The following LRP5 variants were observed in gnomAD, a reference collection of about 807,000 sequenced individuals.
The protein encoded by LRP5 is LDL receptor related protein 5.
In LRP5, 62 loss-of-function variants were observed where a neutral mutation model predicts 154.1. The ratio of observed to expected loss-of-function variants is 0.40; its 90% CI spans 0.33 to 0.50. The LOEUF (loss-of-function observed/expected upper bound fraction) is 0.50, where lower values mean the gene tolerates loss of function less well. Among genes scored for constraint, LRP5 ranks in the 20% least tolerant of loss-of-function variants. The pLI is 0.55. For missense variants in LRP5, 1,915 were observed against 2,336.7 expected, an observed-to-expected ratio of 0.82 and a Z score of 3.72; for synonymous variants, 966 against 1,011.5, an observed-to-expected ratio of 0.96 and a Z score of 0.85.
At chr11:68,302,277 C>T in the LRP5 span, among the ~76,000 whole-genome samples, 1 of 141,580 alleles carries the variant, frequency 7.1e-6, no homozygotes, top group Non-Finnish European at 1.5e-5. Context: ...ACCCAGAAGG[C>T]AGAGGTTGCA....
intron 12 of LRP5, 75 bp from the exon 13 acceptor site, chr11:68,416,253 G>A (rs1252432546): frequency 8.5e-6 from 11 of 1,291,794 alleles, no homozygotes; most frequent in Non-Finnish European, 1.2e-5. Flanking sequence ...GTTGTCGAGT[G>A]GCGTGCTATC....
rs578122095 is a variant in LRP5 at position 68,326,197 on chromosome 11, C to T, written c.91+13392C>T. Among the ~76,000 whole-genome samples, 20 of 152,322 alleles carry T rather than the reference C, an allele frequency of 1.3e-4. No homozygotes were observed. The South Asian group carries it at 3.1e-3, about 24-fold the overall frequency. ...GGAGTCTGGGGGACAGGTGCAGGTA[C>T]CTTCGGGTGCGCCTCCCCTGGGGGC... is the stretch of plus-strand genomic sequence containing the variant. On this transcript the variant is annotated intron_variant, in intron 1 of 22. Transcript: ENST00000294304.
intron 9 of LRP5, 54 bp downstream of exon 9, chr11:68,406,867 C>G: frequency 6.4e-7 from 1 of 1,568,056 alleles, no homozygotes; most frequent in Non-Finnish European, 8.7e-7. Context: ...AACCTTGCCT[C>G]TGTTCCTGCC....
chr11:68,409,209 A>G (rs11607640), intron 9 of LRP5, among the ~76,000 whole-genome samples: 5,797 of 74,954 alleles, frequency 0.077, 154 homozygotes, highest in Middle Eastern at 0.17. Flanking sequence ...ATTTATAAGT[A>G]AATATATAAT....
chr11:68,378,524 TC>T (rs2098638636), intron 5 of LRP5, among the ~76,000 whole-genome samples: 1 of 1,916 alleles, frequency 5.2e-4, no homozygotes, highest in Non-Finnish European at 1.4e-3. Context: ...CTGACCCACC[TC>T]CCACCTCCCT....
intron 1 of LRP5, among the ~76,000 whole-genome samples, chr11:68,317,860 G>T (rs1301342464): frequency 6.6e-6 from 1 of 152,126 alleles, no homozygotes; most frequent in Non-Finnish European, 1.5e-5. Flanking sequence ...ATGGGCCAGA[G>T]GTTCCGCCAC....
Position 68,386,707 on chromosome 11 carries a change from G to C in LRP5, c.1407G>C (p.Val469=). The change falls in exon 6 of 23, where the codon GTG becomes GTC. Residue 469 remains valine, a synonymous_variant. Coordinates refer to ENST00000294304, the MANE Select transcript of LRP5 (RefSeq NM_002335.4). The surrounding 1 kb of genome is among the most constrained non-coding windows in gnomAD (Gnocchi z 7.9). ...DEPRAIALHP[V]MGLMYWTDWG... ...CCCGAGCCATCGCACTGCACCCCGT[G>C]ATGGGGTAAGACGGGCGGGGGCTGG... The C allele has an allele frequency of 6.2e-7, 1 of 1,612,836 alleles. No individual in the cohort carries two copies. Among genetic ancestry groups the C allele is most frequent in the Non-Finnish European group, 8.5e-7 (1 of 1,179,766 alleles).
chr11:68,377,076 C>T (rs1173123971), intron 5 of LRP5, among the ~76,000 whole-genome samples: 1 of 152,176 alleles, frequency 6.6e-6, no homozygotes, highest in Non-Finnish European at 1.5e-5. Flanking sequence ...TCGAGACCAG[C>T]CTGGCCAACA....
the LRP5 span, among the ~76,000 whole-genome samples, chr11:68,301,821 G>A: frequency 4.0e-5 from 6 of 151,420 alleles, no homozygotes; most frequent in African/African-American, 1.2e-4. Flanking sequence ...GTAGAGACGG[G>A]GCTTCACTGT....
chr11:68,446,642 G>A lies in LRP5; in HGVS notation c.4586+109G>A, dbSNP rs1374258469. On this transcript the variant is annotated intron_variant, in intron 22 of 22. Coordinates refer to ENST00000294304, the MANE Select transcript of LRP5 (RefSeq NM_002335.4). The stretch of plus-strand genomic sequence containing the variant: ...AGGGGAGGTATTCTGGGTGCTAGTG[G>A]GCAGGTGCCGGGCCCAGCCCTGCCT... The A allele has an allele frequency of 3.0e-6, 3 of 991,926 alleles. No homozygotes were observed. In the African/African-American group the frequency reaches 4.8e-5, roughly 16 times the overall value. The allele number at this position is 991,926 out of a possible 1,614,324, so 61.4% of individuals were successfully genotyped here. A position where few individuals can be genotyped will look rare whatever the true frequency, so the allele number is the denominator to read the frequency against.
At chr11:68,426,632 A>C (rs996589066) in intron 16 of LRP5, among the ~76,000 whole-genome samples, 2 of 151,978 alleles carry the variant, frequency 1.3e-5, no homozygotes, top group Non-Finnish European at 2.9e-5. Context: ...CATGTTGCCC[A>C]GGCTGGTCTG....
At chr11:68,382,967 T>C (rs2098641094) in intron 5 of LRP5, among the ~76,000 whole-genome samples, 1 of 151,988 alleles carries the variant, frequency 6.6e-6, no homozygotes, top group South Asian at 2.1e-4. Flanking sequence ...AACCTCTGCC[T>C]CCTGGGTTCA....
chr11:68,375,189 G>C (rs539065778), intron 5 of LRP5, among the ~76,000 whole-genome samples: 107 of 152,270 alleles, frequency 7.0e-4, no homozygotes, highest in Non-Finnish European at 1.1e-3. Flanking sequence ...TCCTTGTTTC[G>C]TTTCACTGAC....
intron 5 of LRP5, among the ~76,000 whole-genome samples, chr11:68,368,416 G>A (rs747347660): frequency 5.3e-5 from 8 of 152,252 alleles, no homozygotes; most frequent in African/African-American, 1.2e-4. Flanking sequence ...GGAACAGCAC[G>A]TGCAGCGGCT....
Position 68,438,475 on chromosome 11 carries a change from C to G in LRP5, c.4141C>G (p.Pro1381Ala), listed in dbSNP as rs1217285164. The change falls in exon 20 of 23, where the codon CCG becomes GCG. Residue 1381 changes from proline (P) to alanine (A), a missense_variant. Transcript: ENST00000294304. Reference protein sequence around the residue: ...EITKPPSDDSPAHSSAIGPVI... With the variant: ...EITKPPSDDSAAHSSAIGPVI... Reference sequence around the variant, plus strand: ...CACCAAGCCGCCCTCAGACGACAGCCCGGCCCACAGCAGTGCCATCGGGCC... The same window carrying G: ...CACCAAGCCGCCCTCAGACGACAGCGCGGCCCACAGCAGTGCCATCGGGCC... 4.3e-6 allele frequency: 7 copies of G among 1,614,090 alleles called. No individual in the cohort carries two copies. The highest frequency in any genetic ancestry group is 5.9e-6 in the Non-Finnish European group (7 of 1,180,052).
intron 22 of LRP5, 118 bp from the exon 23 acceptor site, chr11:68,448,691 T>C: frequency 1.5e-6 from 2 of 1,310,400 alleles, no homozygotes; most frequent in Admixed American, 1.7e-5. Flanking sequence ...GAGTCCGGCC[T>C]GCATCTTCTG....
At position 68,425,300 on chromosome 11, in the gene LRP5, C is replaced by A. The variant is rs1269959148; in HGVS notation, c.3427+8C>A. The A allele has an allele frequency of 6.2e-7, 1 of 1,601,980 alleles. No individual in the cohort carries two copies. The highest frequency in any genetic ancestry group is 8.5e-7 in the Non-Finnish European group (1 of 1,178,622). ...AGAGCTGTGACCTGTCAGGTACGCG[C>A]CCCGGGGCCTGCCCTAACCGCAGAC... On this transcript the variant is annotated splice_region_variant and intron_variant, in intron 15 of 22. Coordinates refer to ENST00000294304, the MANE Select transcript of LRP5 (RefSeq NM_002335.4).
At chr11:68,411,412 G>C (rs768495989) in intron 10 of LRP5, 24 bp from the exon 11 acceptor site, 36 of 1,607,334 alleles carry the variant, frequency 2.2e-5, no homozygotes, top group Non-Finnish European at 5.9e-6. Context: ...CACTGAGCCT[G>C]CCCTTCTCCC....
intron 1 of LRP5, among the ~76,000 whole-genome samples, chr11:68,317,600 G>A (rs1021002039): frequency 6.6e-6 from 1 of 152,260 alleles, no homozygotes; most frequent in South Asian, 2.1e-4. Flanking sequence ...GCCATGCAGA[G>A]GCATGCGCAT....
Sources: gnomAD v4.1 joint callset for allele counts (sites outside exome capture counted in the v4.1 genomes callset) on GRCh38, gnomAD v4.1.1 for gene constraint, Gnocchi (gnomAD v3.1) non-coding constraint, MANE v1.5 for transcripts, NCBI Gene and HGNC (gene_info 2026-07-23, HGNC 2026-07-21) for gene names.